The following NEK10 variants were observed in gnomAD, a reference collection of about 807,000 sequenced individuals.
The protein encoded by NEK10 is serine/threonine-protein kinase Nek10.
A neutral mutation model predicts 159.8 loss-of-function variants in NEK10; 122 were observed. The observed-to-expected ratio is 0.76, with a 90% CI of 0.66 to 0.89. NEK10 has a LOEUF of 0.89. Ranked by LOEUF, NEK10 falls within the 40% of genes least tolerant of loss-of-function variation. The probability of loss-of-function intolerance (pLI) is 0.00; values close to 1 mark genes in which losing one functional copy is unlikely to be tolerated. For synonymous variants in NEK10, 466 were observed against 457.1 expected (o/e 1.02, Z -0.25); for missense variants, 1,342 against 1,323.1 (o/e 1.01, Z -0.22).
intron 13 of NEK10, 80 bp from the exon 14 acceptor site, chr3:27,297,320 G>T: frequency 2.2e-6 from 2 of 920,404 alleles, no homozygotes; most frequent in Non-Finnish European, 1.7e-6. Context: ...ACTCCACAGG[G>T]TATTTTTATT....
At chr3:27,145,180 G>A (rs1056008965) in intron 30 of NEK10, among the ~76,000 whole-genome samples, 1 of 151,076 alleles carries the variant, frequency 6.6e-6, no homozygotes, top group Non-Finnish European at 1.5e-5. Context: ...TTTATACTGA[G>A]AATATTTGTA....
Position 27,252,751 on chromosome 3 carries a change from G to A in NEK10, c.2090+3545C>T, listed in dbSNP as rs1207397056. On this transcript the variant is annotated intron_variant, in intron 23 of 35. Coordinates refer to ENST00000691995, the MANE Select transcript of NEK10 (RefSeq NM_001394966.1). ...TAGAAAAGAGTATTCCAGGCAAAGG[G>A]AGCTGCATGTGCAAAGGCCCTGTGG... 3.0e-5 allele frequency: 11 copies of A among 370,436 alleles called. No homozygotes were observed. In the East Asian group the frequency reaches 8.0e-4, roughly 27 times the overall value. The allele number at this position is 370,436 out of a possible 1,614,324, so 22.9% of individuals were successfully genotyped here. A position where few individuals can be genotyped will look rare whatever the true frequency, so the allele number is the denominator to read the frequency against.
intron 35 of NEK10, 92 bp downstream of exon 35, chr3:27,115,848 A>T (rs1940332581): frequency 2.2e-6 from 2 of 924,720 alleles, no homozygotes; most frequent in Admixed American, 2.4e-5. Context: ...TCTGAAAAAA[A>T]ATCCCTCTGG....
At chr3:27,114,151 C>A (rs1244334412) in intron 35 of NEK10, among the ~76,000 whole-genome samples, 1 of 152,192 alleles carries the variant, frequency 6.6e-6, no homozygotes, top group Non-Finnish European at 1.5e-5. Context: ...CTTTAACTTT[C>A]TTTACACAGC....
intron 23 of NEK10, among the ~76,000 whole-genome samples, chr3:27,207,871 T>C (rs1184578024): frequency 6.6e-6 from 1 of 152,142 alleles, no homozygotes; most frequent in Admixed American, 6.5e-5. Flanking sequence ...TCTAAACTCA[T>C]GAGGATAAAA....
chr3:27,191,410 G>C (rs983968104), intron 26 of NEK10, among the ~76,000 whole-genome samples: 7 of 152,326 alleles, frequency 4.6e-5, no homozygotes, highest in African/African-American at 1.7e-4. Flanking sequence ...ACAGAAGAAA[G>C]AAAATAAGAG....
chr3:27,147,315 G>A (rs1944393336), intron 30 of NEK10, among the ~76,000 whole-genome samples: 1 of 152,212 alleles, frequency 6.6e-6, no homozygotes, highest in South Asian at 2.1e-4. Flanking sequence ...GGAAGTGACA[G>A]AGGATATGAT....
intron 5 of NEK10, among the ~76,000 whole-genome samples, chr3:27,328,156 C>A (rs9310841): frequency 5.8e-4 from 89 of 152,216 alleles, no homozygotes; most frequent in African/African-American, 2.0e-3. Flanking sequence ...ATTTCTTCTA[C>A]ATAATTAATG....
chr3:27,247,647 C>T (rs1024680691), intron 23 of NEK10, among the ~76,000 whole-genome samples: 6 of 152,034 alleles, frequency 3.9e-5, no homozygotes, highest in Non-Finnish European at 5.9e-5. Flanking sequence ...TCATTCCTCC[C>T]GCCTCAGCCT....
intron 23 of NEK10, among the ~76,000 whole-genome samples, chr3:27,203,776 A>C (rs1950248061): frequency 6.6e-6 from 1 of 152,230 alleles, no homozygotes; most frequent in Non-Finnish European, 1.5e-5. Flanking sequence ...TCAACAAATT[A>C]CTGTTCTTGA....
intron 31 of NEK10, among the ~76,000 whole-genome samples, chr3:27,133,139 T>C (rs928831912): frequency 6.6e-6 from 1 of 152,208 alleles, no homozygotes; most frequent in African/African-American, 2.4e-5. Flanking sequence ...CATCCTATTC[T>C]GACTGCACAG....
chr3:27,143,403 T>C lies in NEK10; in HGVS notation c.2870-1821A>G, dbSNP rs1043064867. ...ACATGGCAAAGAGTTCTTAGATCTGTGATGACATTTTGAATGGGATATCAC... is the reference window on the plus strand; with the variant it reads ...ACATGGCAAAGAGTTCTTAGATCTGCGATGACATTTTGAATGGGATATCAC... On this transcript the variant is annotated intron_variant, in intron 30 of 35. Coordinates refer to ENST00000691995, the MANE Select transcript of NEK10 (RefSeq NM_001394966.1). 5.5e-6 allele frequency: 4 copies of C among 733,754 alleles called. No homozygotes were observed. The Admixed American group carries it at 7.8e-5, about 14-fold the overall frequency. The allele number at this position is 733,754 out of a possible 1,614,324, so 45.5% of individuals were successfully genotyped here.
intron 23 of NEK10, chr3:27,206,537 CTTCA>C (rs1191824978): frequency 9.4e-6 from 9 of 956,672 alleles, no homozygotes; most frequent in Non-Finnish European, 1.1e-5. Context: ...TGGCTTCCTC[CTTCA>C]TTCACTCATT....
At chr3:27,273,002 G>A (rs2041490204) in intron 22 of NEK10, among the ~76,000 whole-genome samples, 1 of 152,008 alleles carries the variant, frequency 6.6e-6, no homozygotes, top group Admixed American at 6.6e-5. Flanking sequence ...AGCTGATTGG[G>A]AAAAGCCTCT....
chr3:27,158,516 T>G (rs1263175336), intron 30 of NEK10, among the ~76,000 whole-genome samples: 2 of 152,142 alleles, frequency 1.3e-5, no homozygotes, highest in African/African-American at 4.8e-5. Flanking sequence ...TAGATTTGCC[T>G]TTACTAACAA....
chr3:27,331,962 A>G (rs921324330), intron 5 of NEK10, among the ~76,000 whole-genome samples: 1 of 152,174 alleles, frequency 6.6e-6, no homozygotes, highest in African/African-American at 2.4e-5. Context: ...TTTTGCAAAT[A>G]AGGTCATACT....
intron 1 of NEK10, among the ~76,000 whole-genome samples, chr3:27,366,789 C>G (rs2049118806): frequency 1.3e-5 from 2 of 149,590 alleles, no homozygotes; most frequent in African/African-American, 4.9e-5. Flanking sequence ...TTTCACAGCT[C>G]TAGACTTCAG....
intron 30 of NEK10, among the ~76,000 whole-genome samples, chr3:27,159,787 C>A (rs1250573722): frequency 6.6e-6 from 1 of 151,694 alleles, no homozygotes; most frequent in Admixed American, 6.6e-5. Flanking sequence ...GCTGTTATTA[C>A]CATGACATGA....
At chr3:27,271,836 T>C (rs1177605190) in intron 22 of NEK10, among the ~76,000 whole-genome samples, 1 of 150,734 alleles carries the variant, frequency 6.6e-6, no homozygotes, top group African/African-American at 2.4e-5. Context: ...GAAAACATTT[T>C]GCATACAGCA....
Sources: allele counts gnomAD v4.1 joint callset (sites outside exome capture counted in the v4.1 genomes callset), GRCh38; gene constraint gnomAD v4.1.1; transcripts MANE v1.5; gene names NCBI Gene and HGNC (gene_info 2026-07-23, HGNC 2026-07-21).